DST: variants seen among roughly 807,000 people sequenced by gnomAD.
DST encodes dystonin.
In DST, 253 loss-of-function variants were observed where a neutral mutation model predicts 875.2. The observed-to-expected ratio is 0.29, with a 90% confidence interval of 0.26 to 0.32. The LOEUF (loss-of-function observed/expected upper bound fraction) is 0.32. DST is among the 10% of genes least tolerant of loss of function. The pLI, the probability that DST is intolerant of heterozygous loss-of-function variation, is 1.00. For synonymous variants in DST, 3,124 were observed against 3,197.1 expected (o/e 0.98, Z 0.77); for missense variants, 8,287 against 9,111.6 (o/e 0.91, Z 3.68).
At chr6:56,532,566 G>T in intron 63 of DST, 56 bp from the exon 64 acceptor site, 1 of 1,441,596 alleles carries the variant, frequency 6.9e-7, no homozygotes, top group Non-Finnish European at 9.4e-7. Flanking sequence ...TGAATATAAA[G>T]TACAATGTAT....
intron 2 of DST, among the ~76,000 whole-genome samples, chr6:56,953,112 A>ATTT (rs748962807): frequency 6.6e-5 from 10 of 152,222 alleles, no homozygotes; most frequent in Non-Finnish European, 1.3e-4. Context: ...AAGAGGGGAA[A>ATTT]TTATCTTAGG....
At chr6:56,785,465 C>A (rs1039793136) in intron 4 of DST, among the ~76,000 whole-genome samples, 4 of 152,204 alleles carry the variant, frequency 2.6e-5, no homozygotes, top group African/African-American at 9.6e-5. Flanking sequence ...TGATCTCAGA[C>A]TGCTGTGCTA....
chr6:56,762,233 G>C (rs534936992), intron 4 of DST, among the ~76,000 whole-genome samples: 5 of 152,266 alleles, frequency 3.3e-5, no homozygotes, highest in Non-Finnish European at 7.4e-5. Context: ...TGTTGGTCAG[G>C]CTGGTCTCGA....
chr6:56,953,528 T>C (rs1275255624), intron 2 of DST, among the ~76,000 whole-genome samples: 1 of 152,166 alleles, frequency 6.6e-6, no homozygotes, highest in Non-Finnish European at 1.5e-5. Context: ...TGTGGCTAAG[T>C]TTTTTAAGGT....
chr6:56,886,771 A>G (rs60910643), intron 3 of DST, among the ~76,000 whole-genome samples: 5,964 of 134,130 alleles, frequency 0.044, 390 homozygotes, highest in African/African-American at 0.15. Flanking sequence ...AGTGAAACTC[A>G]GTCTCAAAAA....
intron 2 of DST, among the ~76,000 whole-genome samples, 170 bp from the exon 3 acceptor site, chr6:56,900,791 C>A (rs1226708724): frequency 6.7e-6 from 1 of 148,568 alleles, no homozygotes. Context: ...GTTTTCCCCA[C>A]AAGTGTTCTT....
chr6:56,838,280 T>C (rs1387055820), intron 4 of DST, among the ~76,000 whole-genome samples: 3 of 152,238 alleles, frequency 2.0e-5, no homozygotes, highest in African/African-American at 7.2e-5. Flanking sequence ...ACAGCCTAGA[T>C]ATTCCATCTT....
intron 36 of DST, chr6:56,617,292 C>T: frequency 1.2e-6 from 2 of 1,613,582 alleles, no homozygotes; most frequent in Non-Finnish European, 1.7e-6. Flanking sequence ...AGGAAATCCC[C>T]TTTCTTGAGT....
At chr6:56,863,750 G>A (rs974702779) in intron 3 of DST, 1 of 152,124 alleles carries the variant, frequency 6.6e-6, no homozygotes, top group Non-Finnish European at 1.5e-5. Context: ...ACAATATGAT[G>A]AATTCTATCA....
intron 102 of DST, chr6:56,460,775 T>C (rs1435897614): frequency 1.3e-5 from 2 of 152,164 alleles, no homozygotes; most frequent in African/African-American, 4.8e-5. Flanking sequence ...TAAACTTAAC[T>C]GCAAAAAGAA....
At chr6:56,544,555 A>C (rs948667142) in intron 61 of DST, among the ~76,000 whole-genome samples, 3 of 152,224 alleles carry the variant, frequency 2.0e-5, no homozygotes, top group African/African-American at 7.2e-5. Flanking sequence ...AACAACATGT[A>C]AGCACTGGAA....
intron 3 of DST, among the ~76,000 whole-genome samples, chr6:56,871,952 G>A (rs1391003747): frequency 6.6e-6 from 1 of 152,158 alleles, no homozygotes; most frequent in Non-Finnish European, 1.5e-5. Context: ...TCGCTTAGAC[G>A]TGGCTGAGGA....
chr6:56,639,858 AG>A, intron 19 of DST, 70 bp downstream of exon 19: 1 of 1,587,726 alleles, frequency 6.3e-7, no homozygotes, highest in Admixed American at 1.7e-5. Context: ...ATTGATTTAC[AG>A]GGTCTTCATG....
intron 9 of DST, among the ~76,000 whole-genome samples, chr6:56,688,868 T>C (rs548284105): frequency 2.6e-5 from 4 of 151,708 alleles, no homozygotes; most frequent in African/African-American, 9.7e-5. Flanking sequence ...CATAAAGAAA[T>C]AAAGGAAGAG....
At chr6:56,459,314 C>G (rs1010331369) in intron 103 of DST, 47 bp from the exon 104 acceptor site, 1 of 1,552,920 alleles carries the variant, frequency 6.4e-7, no homozygotes, top group African/African-American at 1.4e-5. Flanking sequence ...TTGGGTCCAT[C>G]TGCAACTAAT....
At chr6:56,563,621 G>T (rs931209083) in intron 55 of DST, among the ~76,000 whole-genome samples, 2 of 152,128 alleles carry the variant, frequency 1.3e-5, no homozygotes, top group Non-Finnish European at 2.9e-5. Flanking sequence ...TGTTGCCATT[G>T]CTTTTGGTGT....
At chr6:56,611,895 C>T (rs763407523) in intron 37 of DST, among the ~76,000 whole-genome samples, 2 of 152,162 alleles carry the variant, frequency 1.3e-5, no homozygotes, top group African/African-American at 2.4e-5. Flanking sequence ...GGCCTCCACC[C>T]GCAGGTGGGC....
chr6:56,488,826 T>C (rs1206709031), intron 86 of DST, among the ~76,000 whole-genome samples: 1 of 141,810 alleles, frequency 7.1e-6, no homozygotes, highest in Non-Finnish European at 1.5e-5. Context: ...AAAATCCAAA[T>C]TCAAAAGAGC....
chr6:56,468,697 T>TA (rs1280872864), intron 98 of DST, among the ~76,000 whole-genome samples: 3 of 152,118 alleles, frequency 2.0e-5, no homozygotes, highest in African/African-American at 4.8e-5. Context: ...GCTCATATTA[T>TA]AAAAAATGGG....
Sources: allele counts gnomAD v4.1 joint callset (sites outside exome capture counted in the v4.1 genomes callset), GRCh38; gene constraint gnomAD v4.1.1; transcripts MANE v1.5; gene names NCBI Gene and HGNC (gene_info 2026-07-23, HGNC 2026-07-21).